ARHGAP6: variants seen among roughly 807,000 people sequenced by gnomAD.
The protein encoded by ARHGAP6 is rho GTPase-activating protein 6.
A neutral mutation model predicts 55.7 loss-of-function variants in ARHGAP6; 16 were observed. The observed-to-expected ratio is 0.29, with a 90% confidence interval of 0.19 to 0.44. The LOEUF (loss-of-function observed/expected upper bound fraction) is 0.44, where lower values mean the gene tolerates loss of function less well. Ranked by LOEUF, ARHGAP6 falls within the 20% of genes least tolerant of loss-of-function variation. The probability of loss-of-function intolerance (pLI) is 1.00; values close to 1 mark genes in which losing one functional copy is unlikely to be tolerated. For missense variants in ARHGAP6, 698 were observed against 808.9 expected (o/e 0.86, Z 1.66); for synonymous variants, 382 against 360.9 (o/e 1.06, Z -0.66).
At chrX:11,244,712 G>T (rs1046529592) in intron 2 of ARHGAP6, among the ~76,000 whole-genome samples, 1 of 112,093 alleles carries the variant, frequency 8.9e-6, no homozygotes, top group Non-Finnish European at 1.9e-5. Flanking sequence ...AGAATATAGT[G>T]CAGTCTTGAA....
At chrX:11,221,291 C>A (rs976259315) in intron 2 of ARHGAP6, 17 of 124,223 alleles carry the variant, frequency 1.4e-4, no homozygotes, top group Non-Finnish European at 1.5e-4. Context: ...ATCTTTCCTG[C>A]TTTCTCCTGT....
intron 2 of ARHGAP6, among the ~76,000 whole-genome samples, chrX:11,228,829 CTT>C (rs1443655936): frequency 2.7e-4 from 30 of 112,074 alleles, no homozygotes; most frequent in African/African-American, 9.4e-4. Context: ...ACAAGCATAA[CTT>C]GAGCTACACT....
chrX:11,143,978 A>G lies in ARHGAP6; in HGVS notation c.2176+2T>C, dbSNP rs2045653980. The G allele has an allele frequency of 8.3e-7, 1 of 1,210,174 alleles. No homozygotes were observed. Among genetic ancestry groups the G allele is most frequent in the African/African-American group, 1.8e-5 (1 of 57,133 alleles). ...AGCGCCTGCTGGCCAGGCTCCAGTT[A>G]CCTTTCCCAAGCCTTGGTCCAGGAG... On this transcript the variant is annotated splice_donor_variant, in intron 11 of 12. Transcript: ENST00000337414. LOFTEE classifies it high-confidence loss of function.
At chrX:11,303,274 C>CT (rs1164131264) in intron 1 of ARHGAP6, among the ~76,000 whole-genome samples, 7 of 112,368 alleles carry the variant, frequency 6.2e-5, no homozygotes, top group African/African-American at 2.3e-4. Flanking sequence ...GATCTGGAGC[C>CT]TTAACAGCAA....
At chrX:11,172,138 G>A (rs893438682) in intron 8 of ARHGAP6, among the ~76,000 whole-genome samples, 9 of 110,871 alleles carry the variant, frequency 8.1e-5, no homozygotes, top group Non-Finnish European at 1.1e-4. Context: ...ATCCTGTGGC[G>A]TCATGAGCTG....
In ARHGAP6 at chrX:11,307,977, T is replaced by C. The variant is rs2048255306; in HGVS notation, c.589-53270A>G. Among the ~76,000 whole-genome samples, 3 of 112,861 alleles carry C rather than the reference T, an allele frequency of 2.7e-5. No homozygotes were observed. In the South Asian group the frequency reaches 1.1e-3, roughly 41 times the overall value. ...ATCATAATCTAAGAGCAGCAAATTT[T>C]CTTCAAAAGCAACTTGGCTTTTAAC... On this transcript the variant is annotated intron_variant, in intron 1 of 12. Coordinates refer to ENST00000337414, the MANE Select transcript of ARHGAP6 (RefSeq NM_013427.3).
At chrX:11,291,537 A>T (rs1373608335) in intron 1 of ARHGAP6, among the ~76,000 whole-genome samples, 1 of 111,520 alleles carries the variant, frequency 9.0e-6, no homozygotes, top group African/African-American at 3.3e-5. Context: ...AGAAAAAAAA[A>T]ATATCCTGAA....
chrX:11,296,429 T>C (rs1293046921), intron 1 of ARHGAP6, among the ~76,000 whole-genome samples: 1 of 111,438 alleles, frequency 9.0e-6, no homozygotes, highest in Non-Finnish European at 1.9e-5. Context: ...GTAGGATTCA[T>C]TGAAAACACT....
At chrX:11,388,254 T>C (rs1458672567) in intron 1 of ARHGAP6, among the ~76,000 whole-genome samples, 2 of 112,127 alleles carry the variant, frequency 1.8e-5, no homozygotes, top group Non-Finnish European at 3.8e-5. Flanking sequence ...TTCTAACTGG[T>C]GTGAGATGGT....
At chrX:11,472,241 G>T (rs1479024281) in intron 1 of ARHGAP6, among the ~76,000 whole-genome samples, 1 of 111,569 alleles carries the variant, frequency 9.0e-6, no homozygotes, top group Non-Finnish European at 1.9e-5. Context: ...CACCCCAGTT[G>T]TAAGAACAAA....
chrX:11,407,464 T>C (rs1206377373), intron 1 of ARHGAP6, among the ~76,000 whole-genome samples: 6 of 112,529 alleles, frequency 5.3e-5, no homozygotes, highest in Non-Finnish European at 1.1e-4. Context: ...CATTCATGTA[T>C]AAGTTTTTTG....
chrX:11,422,677 T>C (rs973091384), intron 1 of ARHGAP6, among the ~76,000 whole-genome samples: 2 of 112,019 alleles, frequency 1.8e-5, no homozygotes, highest in African/African-American at 6.5e-5. Flanking sequence ...CACAACCAAG[T>C]TGAGAGTCAT....
At chrX:11,618,617 T>A (rs2147161658) in intron 1 of ARHGAP6, among the ~76,000 whole-genome samples, 1 of 111,669 alleles carries the variant, frequency 9.0e-6, no homozygotes, top group Non-Finnish European at 1.9e-5. Flanking sequence ...ACAATATGCA[T>A]GGGGCCACAA....
At chrX:11,389,418 C>G (rs773209167) in intron 1 of ARHGAP6, among the ~76,000 whole-genome samples, 94 of 112,212 alleles carry the variant, frequency 8.4e-4, no homozygotes, top group Non-Finnish European at 1.1e-3. Flanking sequence ...ATAAAATTAT[C>G]CTGTGGGTTT....
intron 1 of ARHGAP6, among the ~76,000 whole-genome samples, chrX:11,391,486 A>AG (rs1340392769): frequency 9.9e-6 from 1 of 101,221 alleles, no homozygotes; most frequent in Non-Finnish European, 2.1e-5. Context: ...AGAAAAGAAA[A>AG]AAAAAAGCCA....
At chrX:11,354,327 C>CTCTCTCTATATATA (rs1343744315) in intron 1 of ARHGAP6, among the ~76,000 whole-genome samples, 8 of 32,350 alleles carry the variant, frequency 2.5e-4, no homozygotes, top group Non-Finnish European at 3.1e-4. Flanking sequence ...CTCTCTCTCT[C>CTCTCTCTATATATA]TATATATATA....
intron 1 of ARHGAP6, among the ~76,000 whole-genome samples, chrX:11,321,832 C>A (rs974896995): frequency 8.9e-6 from 1 of 112,060 alleles, no homozygotes; most frequent in Non-Finnish European, 1.9e-5. Context: ...CTACTATGTA[C>A]CCACAAACAT....
In ARHGAP6 at chrX:11,209,928, A is replaced by G. The variant is rs182407331; in HGVS notation, c.749-12932T>C. On this transcript the variant is annotated intron_variant, in intron 2 of 12. Transcript: ENST00000337414. Reference sequence around the variant, plus strand: ...GGAAACCAGTTGACTTTTTTTGAAGAAAAAATGACAAAAATCTCTCAGTAC... The same window carrying G: ...GGAAACCAGTTGACTTTTTTTGAAGGAAAAATGACAAAAATCTCTCAGTAC... Among the ~76,000 whole-genome samples the G allele has an allele frequency of 7.8e-4, 88 of 112,360 alleles. 1 individual carries two copies. The highest frequency in any genetic ancestry group is 2.7e-3 in the African/African-American group (85 of 30,924).
At position 11,354,325 on chromosome X, in the gene ARHGAP6, CTCTA is replaced by C. The variant is rs1227330429; in HGVS notation, c.589-99622_589-99619del. Among the ~76,000 whole-genome samples, 303 of 47,500 alleles carry C rather than the reference CTCTA, an allele frequency of 6.4e-3. 1 individual carries two copies. The highest frequency in any genetic ancestry group is 0.011 in the South Asian group (6 of 540). 41.2% of individuals were successfully genotyped at this position (47,500 alleles called of 115,157 possible). A position where few individuals can be genotyped will look rare whatever the true frequency, so the allele number is the denominator to read the frequency against. On this transcript the variant is annotated intron_variant, in intron 1 of 12. Transcript: ENST00000337414. ...TCTCTCTCTCTCTCTCTCTCTCTCT[CTCTA>C]TATATATATATATATATATATATAT...
Sources: gnomAD v4.1 joint callset for allele counts (sites outside exome capture counted in the v4.1 genomes callset) on GRCh38, gnomAD v4.1.1 for gene constraint, MANE v1.5 for transcripts, NCBI Gene and HGNC (gene_info 2026-07-23, HGNC 2026-07-21) for gene names.